NECTIN3: variants seen among roughly 807,000 people sequenced by gnomAD.
The protein encoded by NECTIN3 is nectin cell adhesion molecule 3.
Under a neutral mutation model 49.4 loss-of-function variants are expected in NECTIN3, and 8 were observed. That is an observed-to-expected ratio of 0.16 (90% CI 0.10 to 0.29). The LOEUF (loss-of-function observed/expected upper bound fraction) is 0.29. NECTIN3 is among the 10% of genes least tolerant of loss of function. The probability of loss-of-function intolerance (pLI) is 1.00; values close to 1 mark genes in which losing one functional copy is unlikely to be tolerated. For synonymous variants in NECTIN3, 277 were observed against 241.1 expected, an observed-to-expected ratio of 1.15 and a Z score of -1.38; for missense variants, 581 against 654.6, an observed-to-expected ratio of 0.89 and a Z score of 1.23.
intron 7 of NECTIN3, among the ~76,000 whole-genome samples, chr3:111,149,386 G>C (rs1175707364): frequency 2.0e-5 from 3 of 150,882 alleles, no homozygotes; most frequent in Non-Finnish European, 4.4e-5. Flanking sequence ...AATTAATTTA[G>C]TAAGAATTGA....
At chr3:111,171,984 G>C (rs1280921688) in intron 7 of NECTIN3, among the ~76,000 whole-genome samples, 2 of 152,118 alleles carry the variant, frequency 1.3e-5, no homozygotes, top group East Asian at 3.8e-4. Flanking sequence ...TGAACGATAT[G>C]CAGATTCAAC....
intron 4 of NECTIN3, among the ~76,000 whole-genome samples, chr3:111,123,549 C>T (rs1014548435): frequency 5.3e-5 from 8 of 152,098 alleles, no homozygotes; most frequent in Non-Finnish European, 7.4e-5. Context: ...TATTTCGTGG[C>T]CAGTTTATTT....
At chr3:111,182,915 C>CT (rs529690714) in intron 7 of NECTIN3, among the ~76,000 whole-genome samples, 232 of 151,812 alleles carry the variant, frequency 1.5e-3, no homozygotes, top group Non-Finnish European at 2.5e-3. Context: ...GATCTTTGTC[C>CT]TTTTTTTCAC....
intron 6 of NECTIN3, chr3:111,147,395 C>T: frequency 6.6e-7 from 1 of 1,507,470 alleles, no homozygotes; most frequent in Non-Finnish European, 8.9e-7. Flanking sequence ...TTAACCTTTG[C>T]AATGCAGGAT....
At chr3:111,082,416 G>C (rs971795587) in intron 1 of NECTIN3, among the ~76,000 whole-genome samples, 1 of 152,002 alleles carries the variant, frequency 6.6e-6, no homozygotes, top group Non-Finnish European at 1.5e-5. Flanking sequence ...GTGGAGAGAG[G>C]GAAGGGAATA....
chr3:111,192,455 T>A (rs1441584919), intron 1 of NECTIN3: 1 of 1,467,276 alleles, frequency 6.8e-7, no homozygotes, highest in Non-Finnish European at 9.2e-7. Context: ...GTGGAGCTGG[T>A]AGCTAACGTG....
At chr3:111,078,007 T>C (rs1229723952) in intron 1 of NECTIN3, among the ~76,000 whole-genome samples, 1 of 152,232 alleles carries the variant, frequency 6.6e-6, no homozygotes, top group Non-Finnish European at 1.5e-5. Context: ...CAGCATGCAA[T>C]TGTTATTAAA....
At chr3:111,081,818 T>C (rs771606682) in intron 1 of NECTIN3, among the ~76,000 whole-genome samples, 8 of 152,180 alleles carry the variant, frequency 5.3e-5, no homozygotes, top group Non-Finnish European at 1.2e-4. Flanking sequence ...CTCATGTGAC[T>C]CAAGCATGAA....
chr3:111,097,879 A>G (rs1436311293), intron 1 of NECTIN3, among the ~76,000 whole-genome samples: 2 of 152,166 alleles, frequency 1.3e-5, no homozygotes, highest in African/African-American at 4.8e-5. Context: ...GAATACACAT[A>G]TATAAAAATT....
intron 1 of NECTIN3, among the ~76,000 whole-genome samples, chr3:111,091,735 GTTA>G (rs1212795457): frequency 6.6e-6 from 1 of 152,086 alleles, no homozygotes; most frequent in Non-Finnish European, 1.5e-5. Context: ...CTGCTTTGGG[GTTA>G]TTATAAATAA....
intron 7 of NECTIN3, among the ~76,000 whole-genome samples, chr3:111,149,813 G>A (rs1286209682): frequency 6.6e-6 from 1 of 151,632 alleles, no homozygotes; most frequent in Non-Finnish European, 1.5e-5. Context: ...GGGAATACAT[G>A]TGAGGGGCTT....
At chr3:111,146,114 G>A (rs1461579185) in intron 6 of NECTIN3, among the ~76,000 whole-genome samples, 5 of 152,148 alleles carry the variant, frequency 3.3e-5, no homozygotes, top group African/African-American at 9.7e-5. Context: ...TATAATACTT[G>A]TGGGACTGGA....
At chr3:111,123,314 C>G (rs1227090540) in intron 4 of NECTIN3, among the ~76,000 whole-genome samples, 5 of 152,016 alleles carry the variant, frequency 3.3e-5, no homozygotes, top group Admixed American at 2.6e-4. Flanking sequence ...TATCTCTTTT[C>G]CCTCCAAGTT....
chr3:111,169,904 T>C (rs17281053), intron 7 of NECTIN3, among the ~76,000 whole-genome samples: 3,885 of 152,346 alleles, frequency 0.026, 82 homozygotes, highest in Non-Finnish European at 0.042. Context: ...ACACTGCCAC[T>C]GATAGCATAT....
chr3:111,144,963 C>G, exon 6 of NECTIN3: 3 of 1,536,248 alleles, frequency 2.0e-6, no homozygotes, highest in Non-Finnish European at 2.6e-6. Context: ...CTGTTCTTGC[C>G]CTTTTCATCA....
At chr3:111,183,976 T>C (rs1355433928) in intron 7 of NECTIN3, among the ~76,000 whole-genome samples, 1 of 152,186 alleles carries the variant, frequency 6.6e-6, no homozygotes, top group African/African-American at 2.4e-5. Flanking sequence ...ATTCCAGTTA[T>C]ACAAATAGTA....
chr3:111,156,190 T>C (rs1400986286), intron 7 of NECTIN3, among the ~76,000 whole-genome samples: 1 of 152,232 alleles, frequency 6.6e-6, no homozygotes, highest in Non-Finnish European at 1.5e-5. Flanking sequence ...TAAAGCTCTC[T>C]AAGATACTTC....
In NECTIN3 at chr3:111,169,832, A is replaced by G. The variant is rs140226775; in HGVS notation, c.1221+22348A>G. On this transcript the variant is annotated intron_variant, in intron 7 of 8. Transcript: ENST00000493615. ...ATGAATCCCTTAGAAGTGAAAACTCATGGATACATAGATTTTAATTTTGAT... is the reference window on the plus strand; with the variant it reads ...ATGAATCCCTTAGAAGTGAAAACTCGTGGATACATAGATTTTAATTTTGAT... Among the ~76,000 whole-genome samples the G allele has an allele frequency of 5.1e-3, 776 of 152,368 alleles. 5 individuals are homozygous for G. The highest frequency in any genetic ancestry group is 0.01 in the Admixed American group (160 of 15,312).
intron 1 of NECTIN3, among the ~76,000 whole-genome samples, chr3:111,084,220 G>A (rs1166559089): frequency 2.0e-5 from 3 of 151,362 alleles, no homozygotes; most frequent in South Asian, 2.1e-4. Flanking sequence ...TTGTTCTTTA[G>A]CGATATAAGT....
Sources: gnomAD v4.1 joint callset for allele counts (sites outside exome capture counted in the v4.1 genomes callset) on GRCh38, gnomAD v4.1.1 for gene constraint, MANE v1.5 for transcripts, NCBI Gene and HGNC (gene_info 2026-07-23, HGNC 2026-07-21) for gene names.